The following TPST2 variants were observed in gnomAD, a reference collection of about 807,000 sequenced individuals.
The protein encoded by TPST2 is protein-tyrosine sulfotransferase 2.
In TPST2, 16 loss-of-function variants were observed where a neutral mutation model predicts 27.8. The ratio of observed to expected loss-of-function variants is 0.58; its 90% CI spans 0.39 to 0.88. The LOEUF (loss-of-function observed/expected upper bound fraction) is 0.88. Ranked by LOEUF, TPST2 falls within the 40% of genes least tolerant of loss-of-function variation. TPST2 has a pLI of 0.00. For missense variants in TPST2, 464 were observed against 543.1 expected (o/e 0.85, Z 1.45); for synonymous variants, 229 against 231.7 (o/e 0.99, Z 0.10).
intron 1 of TPST2, among the ~76,000 whole-genome samples, chr22:26,556,749 T>A (rs1213575132): frequency 2.0e-5 from 3 of 152,188 alleles, no homozygotes; most frequent in South Asian, 4.1e-4. Context: ...ACACAAAATC[T>A]ATGGCTGTTA....
chr22:26,562,329 G>A (rs955181021), intron 1 of TPST2, among the ~76,000 whole-genome samples: 1 of 152,128 alleles, frequency 6.6e-6, no homozygotes, highest in Non-Finnish European at 1.5e-5. Context: ...AACAACAATG[G>A]TGTCCTTTGG....
chr22:26,574,942 G>C (rs1360470848), intron 1 of TPST2, among the ~76,000 whole-genome samples: 3 of 152,182 alleles, frequency 2.0e-5, no homozygotes, highest in Non-Finnish European at 4.4e-5. Flanking sequence ...AAAATGAGAT[G>C]TGCCATGAAC....
rs190350319 is a variant in TPST2, at chr22:26,587,046, C to G, written c.-161+3007G>C. On this transcript the variant is annotated intron_variant, in intron 1 of 6. Coordinates refer to ENST00000338754, the MANE Select transcript of TPST2 (RefSeq NM_003595.5). Reference sequence around the variant, plus strand: ...AAGCAGCAACTCACATAGGACACTCCGGTGGCCACCCAGAGAAGTCACCTT... The same window carrying G: ...AAGCAGCAACTCACATAGGACACTCGGGTGGCCACCCAGAGAAGTCACCTT... Among the ~76,000 whole-genome samples, 5 of 152,154 alleles carry G rather than the reference C, an allele frequency of 3.3e-5. No individual in the cohort carries two copies. The East Asian group carries it at 9.6e-4, about 29-fold the overall frequency.
Position 26,541,398 on chromosome 22 carries a change from C to A in TPST2, c.233G>T (p.Arg78Leu). Residue 78 changes from arginine to leucine, a missense_variant, in exon 3 of 7, where the codon CGC becomes CTC. By Grantham distance (102) the Arg-to-Leu change is moderately radical (BLOSUM62 -2). Coordinates refer to ENST00000338754, the MANE Select transcript of TPST2 (RefSeq NM_003595.5). The surrounding 1 kb of genome is among the most constrained non-coding windows in gnomAD (Gnocchi z 5.9). ...GGCGCGCATCAACGTGGTGCCACTG[C>A]GAGGCACGCCACCCACGAAGATGAG... ...MPLIFVGGVP[R>L]SGTTLMRAML... The A allele has an allele frequency of 1.3e-6, 2 of 1,561,126 alleles. No individual in the cohort carries two copies. The highest frequency in any genetic ancestry group is 2.4e-5 in the South Asian group (2 of 82,172).
Position 26,539,596 on chromosome 22 carries a change from C to A in TPST2, c.842+1193G>T, listed in dbSNP as rs1400487389. ...TGGAAGACATACTGAGATCTCATCT[C>A]TACTAGGAAAAAAAAAAAAAAAATG... On this transcript the variant is annotated intron_variant, in intron 3 of 6. Transcript: ENST00000338754. 8.1e-5 allele frequency among the ~76,000 whole-genome samples: 12 copies of A among 148,192 alleles called. No homozygotes were observed. In the South Asian group the frequency reaches 2.1e-3, roughly 26 times the overall value.
chr22:26,568,895 G>A (rs1380219438), intron 1 of TPST2, among the ~76,000 whole-genome samples: 1 of 119,556 alleles, frequency 8.4e-6, no homozygotes, highest in African/African-American at 3.3e-5. Flanking sequence ...GACGGATCTC[G>A]CTCTGTCTCC....
intron 3 of TPST2, 113 bp from the exon 4 acceptor site, chr22:26,536,599 AC>A: frequency 9.8e-7 from 1 of 1,017,942 alleles, no homozygotes; most frequent in Non-Finnish European, 1.4e-6. Context: ...CCTGGCCTCC[AC>A]CCAGCTCTGC....
At chr22:26,561,015 G>A in intron 1 of TPST2, 1 of 1,605,522 alleles carries the variant, frequency 6.2e-7, no homozygotes, top group South Asian at 1.1e-5. Flanking sequence ...TGCATATCGA[G>A]CTAAAGGAAA....
chr22:26,586,170 C>T (rs762210487), intron 1 of TPST2, among the ~76,000 whole-genome samples: 4 of 152,206 alleles, frequency 2.6e-5, no homozygotes, highest in African/African-American at 7.2e-5. Context: ...ACCCAGAGAG[C>T]GGCAGTTCCT....
At chr22:26,559,090 G>T in intron 1 of TPST2, among the ~76,000 whole-genome samples, 1 of 152,318 alleles carries the variant, frequency 6.6e-6, no homozygotes, top group East Asian at 1.9e-4. Flanking sequence ...TCATGGGCCC[G>T]GCGCGGTGGC....
intron 1 of TPST2, among the ~76,000 whole-genome samples, chr22:26,572,754 G>A (rs1395464735): frequency 1.3e-5 from 2 of 152,064 alleles, no homozygotes; most frequent in Non-Finnish European, 2.9e-5. Flanking sequence ...CACGGGCTGG[G>A]AGGCATTGCA....
chr22:26,566,651 C>G (rs982432193), intron 1 of TPST2, among the ~76,000 whole-genome samples: 5 of 152,120 alleles, frequency 3.3e-5, no homozygotes, highest in Admixed American at 1.3e-4. Flanking sequence ...GCTCAGGAGG[C>G]TGAGGCAGAA....
chr22:26,564,971 G>T (rs1927312165), intron 1 of TPST2, among the ~76,000 whole-genome samples: 1 of 152,026 alleles, frequency 6.6e-6, no homozygotes, highest in Admixed American at 6.5e-5. Flanking sequence ...AGTGGAGAGG[G>T]GAAGCCATCT....
chr22:26,588,191 G>A (rs1404625004), intron 1 of TPST2, among the ~76,000 whole-genome samples: 2 of 103,638 alleles, frequency 1.9e-5, no homozygotes, highest in Admixed American at 1.2e-4. Flanking sequence ...AAAAAGGAAC[G>A]AAGTACTTAA....
intron 1 of TPST2, among the ~76,000 whole-genome samples, chr22:26,570,017 A>C (rs370416631): frequency 6.5e-4 from 61 of 94,408 alleles, no homozygotes; most frequent in South Asian, 2.7e-3. Context: ...GAAAGAAAGA[A>C]AGAAAGAAAG....
chr22:26,535,229 A>G (rs2147180139), intron 4 of TPST2, among the ~76,000 whole-genome samples: 1 of 152,350 alleles, frequency 6.6e-6, no homozygotes, highest in Non-Finnish European at 1.5e-5. Flanking sequence ...CAATACGATA[A>G]CTGTTTATTT....
intron 4 of TPST2, among the ~76,000 whole-genome samples, chr22:26,535,025 C>T (rs1414890142): frequency 1.3e-5 from 2 of 152,152 alleles, no homozygotes; most frequent in African/African-American, 4.8e-5. Context: ...ACGAGACCCA[C>T]AGACAAAGCT....
intron 1 of TPST2, among the ~76,000 whole-genome samples, chr22:26,564,153 C>T (rs775058254): frequency 1.3e-5 from 2 of 152,210 alleles, no homozygotes; most frequent in Admixed American, 6.5e-5. Flanking sequence ...AGACAACCAG[C>T]GCCAGGGGCC....
At chr22:26,579,741 A>G (rs1350781279) in intron 1 of TPST2, among the ~76,000 whole-genome samples, 2 of 152,098 alleles carry the variant, frequency 1.3e-5, no homozygotes. Flanking sequence ...GGAAGGGGGA[A>G]GTGGTGCAGA....
Sources: allele counts gnomAD v4.1 joint callset (sites outside exome capture counted in the v4.1 genomes callset), GRCh38; gene constraint gnomAD v4.1.1; non-coding constraint Gnocchi (gnomAD v3.1); transcripts MANE v1.5; gene names NCBI Gene and HGNC (gene_info 2026-07-23, HGNC 2026-07-21).